CACNB4: variants seen among roughly 807,000 people sequenced by gnomAD.
The protein encoded by CACNB4 is calcium voltage-gated channel auxiliary subunit beta 4.
CACNB4 carries 32 observed loss-of-function variants against 71.2 expected under a neutral mutation model. That is an observed-to-expected ratio of 0.45 (90% confidence interval 0.34 to 0.60). The LOEUF (loss-of-function observed/expected upper bound fraction) is 0.60. Among genes scored for constraint, CACNB4 ranks in the 20% least tolerant of loss-of-function variants. The pLI, the probability that CACNB4 is intolerant of heterozygous loss-of-function variation, is 0.01. For missense variants in CACNB4, 464 were observed against 647.9 expected, an observed-to-expected ratio of 0.72 and a Z score of 3.08; for synonymous variants, 231 against 236.9, an observed-to-expected ratio of 0.97 and a Z score of 0.23.
chr2:151,839,072 T>G lies in CACNB4; in HGVS notation c.*47A>C. Reference sequence around the variant, plus strand: ...TAAGATGATTGGTTTATCCTAGCACTGCTATGGCAAATTGTCAACAGATGA... The same window carrying G: ...TAAGATGATTGGTTTATCCTAGCACGGCTATGGCAAATTGTCAACAGATGA... On this transcript the variant is annotated 3_prime_UTR_variant, in exon 14 of 14. Coordinates refer to ENST00000539935, the MANE Select transcript of CACNB4 (RefSeq NM_000726.5). 6.4e-7 allele frequency: 1 copy of G among 1,556,676 alleles called. No individual in the cohort carries two copies. The highest frequency in any genetic ancestry group is 1.7e-5 in the Admixed American group (1 of 57,598).
Position 151,842,086 on chromosome 2 carries a change from T to C in CACNB4, c.1119A>G (p.Glu373=). The C allele has an allele frequency of 1.9e-6, 3 of 1,613,340 alleles. No homozygotes were observed. Among genetic ancestry groups the C allele is most frequent in the Non-Finnish European group, 2.5e-6 (3 of 1,179,492 alleles). The part of the protein sequence containing the change: ...AADKLAQCPP[E]MFDVILDENQ... Reference sequence around the variant, plus strand: ...TTTCATCCAATATAACATCAAACATTTCCTGTAGATGACAAGAAAATCCAC... The same window carrying C: ...TTTCATCCAATATAACATCAAACATCTCCTGTAGATGACAAGAAAATCCAC... The change falls in exon 13 of 14, where the codon GAA becomes GAG. Residue 373 remains glutamate, a splice_region_variant and synonymous_variant. Coordinates refer to ENST00000539935, the MANE Select transcript of CACNB4 (RefSeq NM_000726.5).
intron 10 of CACNB4, among the ~76,000 whole-genome samples, chr2:151,856,493 G>A (rs1330087916): frequency 3.9e-5 from 6 of 151,972 alleles, no homozygotes; most frequent in East Asian, 1.9e-4. Flanking sequence ...TAGTAGAAGC[G>A]AGATTTAGCC....
chr2:152,065,827 C>G (rs899306589), intron 2 of CACNB4, among the ~76,000 whole-genome samples: 1 of 152,148 alleles, frequency 6.6e-6, no homozygotes, highest in Non-Finnish European at 1.5e-5. Flanking sequence ...CTGCAACCTC[C>G]AATTCCTGGG....
intron 2 of CACNB4, chr2:151,883,585 G>T: frequency 1.8e-6 from 1 of 557,752 alleles, no homozygotes; most frequent in Non-Finnish European, 3.2e-6. Context: ...ATTTTGACTA[G>T]ATTAAGTGCT....
chr2:151,880,640 CAATCTT>C, intron 4 of CACNB4, 154 bp downstream of exon 4: 1 of 694,730 alleles, frequency 1.4e-6, no homozygotes, highest in Non-Finnish European at 2.4e-6. Context: ...TCAGACTTCT[CAATCTT>C]AATGAGAATG....
intron 2 of CACNB4, among the ~76,000 whole-genome samples, chr2:151,885,430 G>T (rs1297805906): frequency 6.6e-6 from 1 of 152,182 alleles, no homozygotes; most frequent in Non-Finnish European, 1.5e-5. Context: ...AGAGCCAGCA[G>T]ATTCACATCC....
chr2:151,890,808 G>A (rs1256468609), intron 2 of CACNB4, among the ~76,000 whole-genome samples: 1 of 152,170 alleles, frequency 6.6e-6, no homozygotes, highest in African/African-American at 2.4e-5. Flanking sequence ...GCATTCACAT[G>A]GTATCTGTAG....
intron 2 of CACNB4, among the ~76,000 whole-genome samples, chr2:151,927,237 G>A (rs1350026454): frequency 6.6e-6 from 1 of 152,190 alleles, no homozygotes; most frequent in Non-Finnish European, 1.5e-5. Context: ...AGATAAGAAT[G>A]ATTCAGTAGA....
chr2:151,856,149 C>T (rs2099840248), intron 10 of CACNB4, among the ~76,000 whole-genome samples: 1 of 141,664 alleles, frequency 7.1e-6, no homozygotes, highest in Non-Finnish European at 1.5e-5. Context: ...TGAAGCAATC[C>T]AGTTTTTTTT....
At chr2:152,086,173 T>C (rs1687650464) in intron 2 of CACNB4, among the ~76,000 whole-genome samples, 1 of 152,208 alleles carries the variant, frequency 6.6e-6, no homozygotes, top group South Asian at 2.1e-4. Flanking sequence ...TGACAGAGTT[T>C]TTAAAAAGAT....
At chr2:151,904,676 A>G (rs977274722) in intron 2 of CACNB4, among the ~76,000 whole-genome samples, 2 of 151,988 alleles carry the variant, frequency 1.3e-5, no homozygotes, top group Admixed American at 1.3e-4. Flanking sequence ...CTGGGACTAC[A>G]GGCACATACC....
intron 2 of CACNB4, among the ~76,000 whole-genome samples, chr2:152,038,494 T>C (rs919320424): frequency 1.3e-5 from 2 of 152,212 alleles, no homozygotes; most frequent in African/African-American, 2.4e-5. Context: ...CACAGGCTTC[T>C]ACCTCAGCAC....
At chr2:152,060,455 G>A (rs533813518) in intron 2 of CACNB4, among the ~76,000 whole-genome samples, 5 of 152,250 alleles carry the variant, frequency 3.3e-5, no homozygotes, top group African/African-American at 1.2e-4. Flanking sequence ...TAGGTTCAAG[G>A]AAAACTACTG....
chr2:152,059,418 AT>A (rs1282354481), intron 2 of CACNB4, among the ~76,000 whole-genome samples: 2 of 152,236 alleles, frequency 1.3e-5, no homozygotes, highest in African/African-American at 4.8e-5. Context: ...TCTTGCAATA[AT>A]ATCACCTGGA....
In CACNB4 at chr2:151,883,246, C is replaced by T; in HGVS notation, c.267+5G>A. 2 of 1,613,912 alleles carry T rather than the reference C, an allele frequency of 1.2e-6. No individual in the cohort carries two copies. The highest frequency in any genetic ancestry group is 1.7e-6 in the Non-Finnish European group (2 of 1,179,818). ...TTTGAGCCAAAGAGAAGGAAAGAGA[C>T]TCACCTTTGCTCTCTCAAGCTGGAT... On this transcript the variant is annotated splice_donor_5th_base_variant and intron_variant, in intron 3 of 13. Transcript: ENST00000539935.
At chr2:151,915,543 C>A (rs941443315) in intron 2 of CACNB4, among the ~76,000 whole-genome samples, 1 of 152,170 alleles carries the variant, frequency 6.6e-6, no homozygotes, top group East Asian at 1.9e-4. Context: ...AGCTGAGAGG[C>A]TGTAAGAATG....
intron 9 of CACNB4, chr2:151,868,684 AT>A (rs2099843802): frequency 6.6e-6 from 1 of 152,038 alleles, no homozygotes; most frequent in Non-Finnish European, 1.5e-5. Flanking sequence ...TCCCTACAAA[AT>A]GATCACTTTG....
At chr2:152,012,383 C>T (rs998044311) in intron 2 of CACNB4, among the ~76,000 whole-genome samples, 11 of 152,188 alleles carry the variant, frequency 7.2e-5, no homozygotes, top group South Asian at 4.1e-4. Context: ...GCAGGTGGAG[C>T]GCCTGAAGTC....
intron 2 of CACNB4, among the ~76,000 whole-genome samples, chr2:151,906,220 G>A (rs1396396222): frequency 6.6e-6 from 1 of 152,168 alleles, no homozygotes; most frequent in African/African-American, 2.4e-5. Context: ...CAGTGTGACA[G>A]CATTTAAAAG....
Sources: allele counts gnomAD v4.1 joint callset (sites outside exome capture counted in the v4.1 genomes callset), GRCh38; gene constraint gnomAD v4.1.1; transcripts MANE v1.5; gene names NCBI Gene and HGNC (gene_info 2026-07-23, HGNC 2026-07-21).